ACBD6: variants seen among roughly 807,000 people sequenced by gnomAD.
ACBD6 encodes acyl-CoA-binding domain-containing protein 6.
Under a neutral mutation model 37.2 loss-of-function variants are expected in ACBD6, and 28 were observed. The observed-to-expected ratio is 0.75, with a 90% CI of 0.56 to 1.03. The LOEUF is 1.03. ACBD6 is among the 50% of genes least tolerant of loss of function. The pLI is 0.00. For missense variants in ACBD6, 340 were observed against 337.4 expected (o/e 1.01, Z -0.06); for synonymous variants, 113 against 126.8 (o/e 0.89, Z 0.73).
rs372655542 is a variant in ACBD6 at position 180,419,030 on chromosome 1, T to A, written c.468-5559A>T. On this transcript the variant is annotated intron_variant, in intron 4 of 7. Transcript: ENST00000367595. ...ACTTCGGGAGGCCGAGGCGGGTGGA[T>A]CACGAGGTCAGGAGATCGAGACCAT... Among the ~76,000 whole-genome samples, 75 of 152,338 alleles carry A rather than the reference T, an allele frequency of 4.9e-4. No homozygotes were observed. The East Asian group carries it at 0.012, about 24-fold the overall frequency.
At chr1:180,473,440 C>G (rs999908931) in intron 3 of ACBD6, among the ~76,000 whole-genome samples, 2 of 133,620 alleles carry the variant, frequency 1.5e-5, no homozygotes, top group African/African-American at 6.1e-5. Context: ...GAGCGAGACT[C>G]CGTCTCAAAA....
intron 6 of ACBD6, among the ~76,000 whole-genome samples, chr1:180,350,792 C>G (rs1449755007): frequency 1.3e-5 from 2 of 152,238 alleles, no homozygotes; most frequent in Middle Eastern, 3.4e-3. Flanking sequence ...TTCCTATTAC[C>G]TCTTCCAATG....
exon 14 of ACBD6, chr1:180,271,464 C>T: frequency 1.2e-6 from 2 of 1,614,170 alleles, no homozygotes; most frequent in Non-Finnish European, 1.7e-6. Flanking sequence ...TACAAGAACT[C>T]CCCCAAGCCT....
chr1:180,289,424 T>A (rs887614413), intron 7 of ACBD6, among the ~76,000 whole-genome samples: 11 of 152,146 alleles, frequency 7.2e-5, no homozygotes, highest in African/African-American at 2.7e-4. Flanking sequence ...CCCACTAGAT[T>A]GGTGAAAATT....
intron 6 of ACBD6, among the ~76,000 whole-genome samples, chr1:180,344,091 C>T (rs1433088601): frequency 6.6e-6 from 1 of 152,026 alleles, no homozygotes; most frequent in East Asian, 1.9e-4. Flanking sequence ...CAATGAAAGG[C>T]CTGTCTTTGA....
At chr1:180,484,625 C>T (rs1054840720) in intron 3 of ACBD6, among the ~76,000 whole-genome samples, 18 of 152,002 alleles carry the variant, frequency 1.2e-4, no homozygotes, top group Non-Finnish European at 1.8e-4. Flanking sequence ...TATATAAATA[C>T]TGATATAGGA....
chr1:180,320,376 C>T (rs903145716), intron 6 of ACBD6, among the ~76,000 whole-genome samples: 1 of 152,174 alleles, frequency 6.6e-6, no homozygotes, highest in African/African-American at 2.4e-5. Context: ...TGGGTCACGC[C>T]TGTAATTCTA....
chr1:180,274,087 G>A (rs537245691), exon 11 of ACBD6: 2 of 1,479,826 alleles, frequency 1.4e-6, no homozygotes, highest in South Asian at 1.1e-5. Flanking sequence ...GCCATCCTTG[G>A]GCATCTTTCC....
chr1:180,335,895 A>C (rs1177123372), intron 6 of ACBD6, among the ~76,000 whole-genome samples: 1 of 141,510 alleles, frequency 7.1e-6, no homozygotes, highest in Non-Finnish European at 1.6e-5. Flanking sequence ...TAAACCAACA[A>C]AGATCAAAAG....
chr1:180,500,641 C>T (rs2102108131), intron 1 of ACBD6, among the ~76,000 whole-genome samples: 1 of 149,528 alleles, frequency 6.7e-6, no homozygotes, highest in South Asian at 2.1e-4. Context: ...TTGCAGTGAG[C>T]TAAGATCCAG....
intron 6 of ACBD6, among the ~76,000 whole-genome samples, chr1:180,378,053 C>T (rs1653506211): frequency 6.6e-6 from 1 of 151,856 alleles, no homozygotes. Flanking sequence ...TATTTATTAA[C>T]TACAAAGAAA....
rs1358118470 is a variant in ACBD6 at position 180,345,832 on chromosome 1, CTA to C, written c.664-31112_664-31111del. 2.6e-5 allele frequency among the ~76,000 whole-genome samples: 4 copies of C among 152,052 alleles called. No individual in the cohort carries two copies. The East Asian group carries it at 5.8e-4, about 22-fold the overall frequency. ...ACCTACCACAATGTAAACAGTATGT[CTA>C]TATGTTTTTTTTAACTTTTCCGTAT... is the stretch of plus-strand genomic sequence containing the variant. On this transcript the variant is annotated intron_variant, in intron 6 of 7. Transcript: ENST00000367595.
At chr1:180,271,409 C>T (rs1191321505) in exon 14 of ACBD6, 5 of 1,614,018 alleles carry the variant, frequency 3.1e-6, no homozygotes, top group African/African-American at 1.3e-5. Context: ...TAAGCGGCCC[C>T]GGACCACCAT....
At chr1:180,278,089 A>G (rs1268757929) in intron 9 of ACBD6, 3 of 152,018 alleles carry the variant, frequency 2.0e-5, no homozygotes, top group African/African-American at 7.3e-5. Context: ...ATGACAGTCC[A>G]CTCTCTGCAC....
chr1:180,302,987 A>G (rs6678916), intron 7 of ACBD6, among the ~76,000 whole-genome samples: 10,771 of 151,910 alleles, frequency 0.071, 412 homozygotes, highest in African/African-American at 0.11. Context: ...AAACTGAACA[A>G]CCTGCTCCTG....
At chr1:180,350,313 T>C (rs555002346) in intron 6 of ACBD6, among the ~76,000 whole-genome samples, 8 of 152,270 alleles carry the variant, frequency 5.3e-5, no homozygotes, top group African/African-American at 1.9e-4. Context: ...GGATTACAGG[T>C]GTGAGCCACC....
At chr1:180,275,291 G>A (rs1648959735) in exon 10 of ACBD6, 1 of 152,208 alleles carries the variant, frequency 6.6e-6, no homozygotes, top group South Asian at 2.1e-4. Flanking sequence ...AGGCTGAGCT[G>A]AGTAGCCCTG....
chr1:180,301,544 G>A (rs1230989233), intron 7 of ACBD6, among the ~76,000 whole-genome samples: 1 of 152,122 alleles, frequency 6.6e-6, no homozygotes, highest in African/African-American at 2.4e-5. Flanking sequence ...TGAATCATCT[G>A]TTTGAAATGG....
intron 3 of ACBD6, chr1:180,434,798 A>C (rs796632348): frequency 1.4e-6 from 1 of 700,724 alleles, no homozygotes; most frequent in African/African-American, 1.8e-5. Context: ...TCTAAGCCGA[A>C]GGTGGCTGTG....
Sources: allele counts gnomAD v4.1 joint callset (sites outside exome capture counted in the v4.1 genomes callset), GRCh38; gene constraint gnomAD v4.1.1; transcripts MANE v1.5; gene names NCBI Gene and HGNC (gene_info 2026-07-23, HGNC 2026-07-21).